The following IMMP1L variants were observed in gnomAD, a reference collection of about 807,000 sequenced individuals.
IMMP1L encodes mitochondrial inner membrane protease subunit 1.
IMMP1L carries 24 observed loss-of-function variants against 21.8 expected under a neutral mutation model. That is an observed-to-expected ratio of 1.10 (90% confidence interval 0.80 to 1.55). The LOEUF is 1.55. IMMP1L is among the 40% of genes most tolerant of loss of function. IMMP1L has a pLI of 0.00. For missense variants in IMMP1L, 195 were observed against 200.7 expected, an observed-to-expected ratio of 0.97 and a Z score of 0.17; for synonymous variants, 46 against 62.8, an observed-to-expected ratio of 0.73 and a Z score of 1.26.
At chr11:31,465,300 A>G (rs1234489684) in intron 1 of IMMP1L, among the ~76,000 whole-genome samples, 1 of 152,116 alleles carries the variant, frequency 6.6e-6, no homozygotes, top group Non-Finnish European at 1.5e-5. Flanking sequence ...ATTGAAGAGG[A>G]CATAAAAAAT....
At chr11:31,497,628 A>G (rs1034343617) in intron 1 of IMMP1L, among the ~76,000 whole-genome samples, 1 of 151,822 alleles carries the variant, frequency 6.6e-6, no homozygotes, top group Non-Finnish European at 1.5e-5. Flanking sequence ...CGCCCAGCTA[A>G]TTTTTCTATT....
chr11:31,506,378 G>A (rs1224549516), intron 1 of IMMP1L, among the ~76,000 whole-genome samples: 1 of 151,596 alleles, frequency 6.6e-6, no homozygotes, highest in Admixed American at 6.6e-5. Context: ...ACAGAAGCCC[G>A]CCACCATGCC....
At chr11:31,488,364 AT>A (rs1955151156) in intron 1 of IMMP1L, 1 of 152,190 alleles carries the variant, frequency 6.6e-6, no homozygotes, top group African/African-American at 2.4e-5. Flanking sequence ...TAATGGGTCC[AT>A]GAGATCTTGA....
At chr11:31,440,068 G>A (rs546150849) in intron 4 of IMMP1L, among the ~76,000 whole-genome samples, 9 of 152,156 alleles carry the variant, frequency 5.9e-5, no homozygotes, top group South Asian at 2.1e-4. Context: ...CATGGTAGTC[G>A]GATTTATAAA....
intron 1 of IMMP1L, among the ~76,000 whole-genome samples, chr11:31,480,656 A>G (rs1288050931): frequency 6.6e-6 from 1 of 152,128 alleles, no homozygotes; most frequent in Non-Finnish European, 1.5e-5. Context: ...TAAAATTTAA[A>G]TCAATTTTTT....
intron 1 of IMMP1L, among the ~76,000 whole-genome samples, chr11:31,472,093 C>G: frequency 6.6e-6 from 1 of 152,054 alleles, no homozygotes; most frequent in East Asian, 1.9e-4. Context: ...TTTTAAGGAC[C>G]CTGGTGATTA....
chr11:31,468,497 G>A (rs1476962862), intron 1 of IMMP1L, among the ~76,000 whole-genome samples: 1 of 152,090 alleles, frequency 6.6e-6, no homozygotes, highest in Non-Finnish European at 1.5e-5. Flanking sequence ...ATACAAATGT[G>A]CATTGCACTA....
At chr11:31,459,187 C>T (rs1478190909) in intron 3 of IMMP1L, among the ~76,000 whole-genome samples, 1 of 152,146 alleles carries the variant, frequency 6.6e-6, no homozygotes, top group Non-Finnish European at 1.5e-5. Flanking sequence ...ACCTAGGGAG[C>T]ATGCCAAACC....
At position 31,496,937 on chromosome 11, in the gene IMMP1L, A is replaced by T. The variant is rs574641168; in HGVS notation, c.-30+12582T>A. Among the ~76,000 whole-genome samples the T allele has an allele frequency of 2.6e-4, 39 of 148,114 alleles. 1 individual carries two copies. The South Asian group carries it at 7.3e-3, about 28-fold the overall frequency. ...AATCTTATATATTATATACAATGAT[A>T]TATCATCTATTACGTATATCATATA... On this transcript the variant is annotated intron_variant, in intron 1 of 5. Transcript: ENST00000532287.
chr11:31,507,128 A>G (rs892480849), intron 1 of IMMP1L, among the ~76,000 whole-genome samples: 2 of 151,508 alleles, frequency 1.3e-5, no homozygotes, highest in African/African-American at 4.9e-5. Context: ...AAATACAAAA[A>G]ATCAGCAGGG....
At chr11:31,508,087 T>C (rs1352456584) in intron 1 of IMMP1L, among the ~76,000 whole-genome samples, 1 of 152,144 alleles carries the variant, frequency 6.6e-6, no homozygotes, top group Non-Finnish European at 1.5e-5. Flanking sequence ...TGGGTTGATC[T>C]GTGCAGCAAA....
chr11:31,453,461 A>G (rs1008522512), intron 4 of IMMP1L, among the ~76,000 whole-genome samples: 1 of 152,162 alleles, frequency 6.6e-6, no homozygotes, highest in East Asian at 1.9e-4. Flanking sequence ...CATAAACAAC[A>G]ATGATTTTTC....
chr11:31,495,773 G>C (rs181465466), intron 1 of IMMP1L, among the ~76,000 whole-genome samples: 1 of 152,050 alleles, frequency 6.6e-6, no homozygotes, highest in African/African-American at 2.4e-5. Flanking sequence ...ATGGGGAAAA[G>C]GCAGTCTTTT....
At chr11:31,460,939 A>G (rs1039476242) in intron 2 of IMMP1L, among the ~76,000 whole-genome samples, 3 of 152,158 alleles carry the variant, frequency 2.0e-5, no homozygotes, top group African/African-American at 7.2e-5. Flanking sequence ...TTCACATTAT[A>G]ATGCCTGAAT....
chr11:31,464,311 C>CA (rs966576970), intron 1 of IMMP1L, among the ~76,000 whole-genome samples: 48 of 151,816 alleles, frequency 3.2e-4, no homozygotes, highest in Non-Finnish European at 6.3e-4. Context: ...AAAGGTCTCC[C>CA]AAAAAAGAAA....
intron 1 of IMMP1L, among the ~76,000 whole-genome samples, chr11:31,480,895 C>A (rs1954873656): frequency 6.6e-6 from 1 of 152,112 alleles, no homozygotes; most frequent in Admixed American, 6.6e-5. Flanking sequence ...TTTAAATACA[C>A]TGAGCCTATT....
intron 1 of IMMP1L, among the ~76,000 whole-genome samples, chr11:31,475,012 G>A (rs566484929): frequency 5.9e-5 from 9 of 152,126 alleles, no homozygotes; most frequent in African/African-American, 9.6e-5. Context: ...GACCACCGAC[G>A]CATACTCAAT....
At chr11:31,498,762 G>C (rs1290305879) in intron 1 of IMMP1L, among the ~76,000 whole-genome samples, 1 of 152,152 alleles carries the variant, frequency 6.6e-6, no homozygotes, top group East Asian at 1.9e-4. Flanking sequence ...GACCTAGATA[G>C]AACAAGTTAC....
chr11:31,451,049 T>G (rs1183868145), intron 4 of IMMP1L, among the ~76,000 whole-genome samples: 1 of 152,156 alleles, frequency 6.6e-6, no homozygotes, highest in Non-Finnish European at 1.5e-5. Context: ...TATTCAACTT[T>G]GACATTTTAG....
Sources: gnomAD v4.1 joint callset for allele counts (sites outside exome capture counted in the v4.1 genomes callset) on GRCh38, gnomAD v4.1.1 for gene constraint, MANE v1.5 for transcripts, NCBI Gene and HGNC (gene_info 2026-07-23, HGNC 2026-07-21) for gene names.